Variants in EGLN2 observed in about 807,000 individuals in gnomAD.
EGLN2 encodes the protein egl-9 family hypoxia inducible factor 2.
A neutral mutation model predicts 38.2 loss-of-function variants in EGLN2; 15 were observed. That is an observed-to-expected ratio of 0.39 (90% confidence interval 0.26 to 0.60). The LOEUF (loss-of-function observed/expected upper bound fraction) is 0.60, where lower values mean the gene tolerates loss of function less well. Among genes scored for constraint, EGLN2 ranks in the 20% least tolerant of loss-of-function variants. EGLN2 has a pLI of 0.50. For synonymous variants in EGLN2, 284 were observed against 237.4 expected, an observed-to-expected ratio of 1.20 and a Z score of -1.81; for missense variants, 492 against 570.4, an observed-to-expected ratio of 0.86 and a Z score of 1.40.
At chr19:40,805,021 G>A (rs780419088) in intron 2 of EGLN2, 2 of 152,380 alleles carry the variant, frequency 1.3e-5, no homozygotes, top group Admixed American at 6.5e-5. Flanking sequence ...GTGTTGGGAG[G>A]CGTCCTGGGG....
chr19:40,799,510 G>T (rs2083234342), intron 1 of EGLN2: 1 of 151,198 alleles, frequency 6.6e-6, no homozygotes, highest in Admixed American at 6.6e-5. Context: ...GAGGGGAGGG[G>T]GTCCGAGCGG....
At chr19:40,807,389 C>T in intron 4 of EGLN2, 95 bp from the exon 5 acceptor site, 2 of 1,601,084 alleles carry the variant, frequency 1.2e-6, no homozygotes, top group East Asian at 2.2e-5. Context: ...TAGGTGGGAG[C>T]AGAACCGGGT....
chr19:40,803,702 A>G (rs921010398), intron 2 of EGLN2, among the ~76,000 whole-genome samples: 2 of 152,066 alleles, frequency 1.3e-5, no homozygotes, highest in African/African-American at 2.4e-5. Context: ...TGTAGGTGGG[A>G]GAGAGTTGAC....
chr19:40,802,553 A>G (rs963837210), intron 2 of EGLN2, among the ~76,000 whole-genome samples: 7 of 152,384 alleles, frequency 4.6e-5, no homozygotes, highest in South Asian at 4.1e-4. Context: ...GTCAGAGGCC[A>G]CAGATCCTCT....
At position 40,808,305 on chromosome 19, in the gene EGLN2, C is replaced by A. The variant is rs1403372830; in HGVS notation, c.*441C>A. 3 of 412,784 alleles carry A rather than the reference C, an allele frequency of 7.3e-6. No homozygotes were observed. The highest frequency in any genetic ancestry group is 3.1e-4 in the Middle Eastern group (1 of 3,240). 25.6% of individuals were successfully genotyped at this position (412,784 alleles called of 1,614,324 possible). A position where few individuals can be genotyped will look rare whatever the true frequency, so the allele number is the denominator to read the frequency against. On this transcript the variant is annotated 3_prime_UTR_variant, in exon 6 of 6. Transcript: ENST00000303961. The stretch of plus-strand genomic sequence containing the variant: ...CCTGGAATGTGAAGTGACTCCCCAA[C>A]CCCTTTGGCCATGGCAGGCACCTTT...
Position 40,807,973 on chromosome 19 carries a change from C to A in EGLN2, c.*109C>A. 9.1e-7 allele frequency: 1 copy of A among 1,092,990 alleles called. No individual in the cohort carries two copies. The highest frequency in any genetic ancestry group is 1.4e-6 in the Non-Finnish European group (1 of 738,172). 67.7% of individuals were successfully genotyped at this position (1,092,990 alleles called of 1,614,324 possible). A position where few individuals can be genotyped will look rare whatever the true frequency, so the allele number is the denominator to read the frequency against. On this transcript the variant is annotated 3_prime_UTR_variant, in exon 6 of 6. Transcript: ENST00000303961. ...ACCGCTGCTGCTTCTGACTTTGCCT[C>A]TGTCCTGCCTGGTGTGGAGGGCTCT...
At position 40,800,563 on chromosome 19, in the gene EGLN2, C is replaced by T. The variant is rs1323803667; in HGVS notation, c.-10C>T. 3 of 1,579,636 alleles carry T rather than the reference C, an allele frequency of 1.9e-6. No individual in the cohort carries two copies. The highest frequency in any genetic ancestry group is 1.7e-6 in the Non-Finnish European group (2 of 1,161,054). ...GCCCTCCATGCCCGGGGGATGAAGA[C>T]ACTGCTGCCATGGACAGCCCGTGCC... On this transcript the variant is annotated 5_prime_UTR_variant, in exon 2 of 6. Coordinates refer to ENST00000303961, the MANE Select transcript of EGLN2 (RefSeq NM_080732.4).
In EGLN2 at chr19:40,808,269, C is replaced by T. The variant is rs2083320628; in HGVS notation, c.*405C>T. ...TGGGAGGAGTACCCCCAAGTCCTCT[C>T]ACTCCTCCAGCCTGGAATGTGAAGT... On this transcript the variant is annotated 3_prime_UTR_variant, in exon 6 of 6. Transcript: ENST00000303961. The T allele has an allele frequency of 7.2e-6, 3 of 418,098 alleles. 1 individual carries two copies. The South Asian group carries it at 2.7e-4, about 37-fold the overall frequency. The allele number at this position is 418,098 out of a possible 1,614,324, so 25.9% of individuals were successfully genotyped here. A position where few individuals can be genotyped will look rare whatever the true frequency, so the allele number is the denominator to read the frequency against.
intron 2 of EGLN2, among the ~76,000 whole-genome samples, chr19:40,802,340 C>T (rs2083267867): frequency 6.6e-6 from 1 of 152,098 alleles, no homozygotes; most frequent in South Asian, 2.1e-4. Context: ...CCTGTTGGCC[C>T]AGGTGGAGCT....
At chr19:40,804,971 C>T (rs2083290473) in intron 2 of EGLN2, 1 of 152,266 alleles carries the variant, frequency 6.6e-6, no homozygotes, top group South Asian at 2.1e-4. Flanking sequence ...TAATGCAGAG[C>T]AGCTTAACAT....
intron 3 of EGLN2, 184 bp downstream of exon 3, chr19:40,806,858 G>A (rs905985401): frequency 3.1e-6 from 3 of 979,992 alleles, no homozygotes; most frequent in East Asian, 2.6e-5. Context: ...CCTCTCTAGC[G>A]GACTGTGTGG....
At position 40,808,192 on chromosome 19, in the gene EGLN2, G is replaced by T; in HGVS notation, c.*328G>T. 2.1e-6 allele frequency: 1 copy of T among 473,302 alleles called. No individual in the cohort carries two copies. Among genetic ancestry groups the T allele is most frequent in the Non-Finnish European group, 3.7e-6 (1 of 267,560 alleles). 29.3% of individuals were successfully genotyped at this position (473,302 alleles called of 1,614,324 possible). On this transcript the variant is annotated 3_prime_UTR_variant, in exon 6 of 6. Transcript: ENST00000303961. ...GAGGAGGCATTGTCACTTCCCACCA[G>T]GATGCAGGACTTGGGGTTGAGGTGA...
At position 40,807,497 on chromosome 19, in the gene EGLN2, G is replaced by C. The variant is rs751712367; in HGVS notation, c.1114G>C (p.Val372Leu). 13 of 1,614,182 alleles carry C rather than the reference G, an allele frequency of 8.1e-6. No homozygotes were observed. The highest frequency in any genetic ancestry group is 1.0e-5 in the Non-Finnish European group (12 of 1,180,012). Residue 372 changes from valine (V) to leucine (L), a missense_variant, in exon 5 of 6, where the codon GTC (valine) becomes CTC (leucine). Coordinates refer to ENST00000303961, the MANE Select transcript of EGLN2 (RefSeq NM_080732.4). ...PAYATRYAIT[V>L]WYFDAKERAA... ...CCTGGTCTCCAGGTACGCCATCACT[G>C]TCTGGTATTTTGATGCCAAGGAGCG...
At chr19:40,805,460 C>G (rs1163006844) in intron 2 of EGLN2, 1 of 152,218 alleles carries the variant, frequency 6.6e-6, no homozygotes, top group Non-Finnish European at 1.5e-5. Context: ...ACTTGTTCCA[C>G]AACAACCTGT....
At position 40,801,370 on chromosome 19, in the gene EGLN2, C is replaced by G. The variant is rs1001398949; in HGVS notation, c.798C>G (p.His266Gln). ...CCCATGTGGACGCCGTCATCCGCCA[C>G]TGCGCAGGGCGGCTGGGCAGCTATG... ...LMAHVDAVIR[H>Q]CAGRLGSYVI... Residue 266 changes from histidine (H) to glutamine (Q), a missense_variant, in exon 2 of 6, where the codon CAC (histidine) becomes CAG (glutamine). His to Gln is a conservative substitution (Grantham distance 24). This residue lies in a region of EGLN2 where 378 missense variants were observed against 386.2 expected (regional missense o/e 0.98). Coordinates refer to ENST00000303961, the MANE Select transcript of EGLN2 (RefSeq NM_080732.4). 11 of 1,610,128 alleles carry G rather than the reference C, an allele frequency of 6.8e-6. No homozygotes were observed. Among genetic ancestry groups the G allele is most frequent in the Admixed American group, 1.7e-5 (1 of 60,006 alleles).
At chr19:40,807,663 A>C in intron 5 of EGLN2, 112 bp downstream of exon 5, 1 of 1,434,506 alleles carries the variant, frequency 7.0e-7, no homozygotes, top group South Asian at 1.2e-5. Flanking sequence ...ATTTTTCTTC[A>C]TCTCTGCCCA....
intron 5 of EGLN2, 95 bp downstream of exon 5, chr19:40,807,646 AC>A: frequency 6.7e-7 from 1 of 1,484,084 alleles, no homozygotes; most frequent in Non-Finnish European, 9.4e-7. Context: ...GTTAAATCCC[AC>A]CACTCATTTT....
chr19:40,799,674 C>T (rs960459850), intron 1 of EGLN2: 1 of 152,150 alleles, frequency 6.6e-6, no homozygotes, highest in African/African-American at 2.4e-5. Context: ...CCTCTGTCGC[C>T]GCGGACCCTC....
chr19:40,801,457 C>T (rs759133018), intron 2 of EGLN2, 42 bp downstream of exon 2: 34 of 1,572,744 alleles, frequency 2.2e-5, no homozygotes, highest in Non-Finnish European at 2.4e-5. Flanking sequence ...CTTTGCAGCA[C>T]CCTGGTTTGC....
Sources: allele counts gnomAD v4.1 joint callset (sites outside exome capture counted in the v4.1 genomes callset), GRCh38; gene constraint gnomAD v4.1.1; regional missense constraint gnomAD v4.1.1; transcripts MANE v1.5; gene names NCBI Gene and HGNC (gene_info 2026-07-23, HGNC 2026-07-21).